The following ARHGAP26 variants were observed in gnomAD, a reference collection of about 807,000 sequenced individuals.
ARHGAP26 encodes rho GTPase-activating protein 26.
ARHGAP26 carries 38 observed loss-of-function variants against 104.8 expected under a neutral mutation model. The observed-to-expected ratio is 0.36, with a 90% CI of 0.28 to 0.48. ARHGAP26 has a LOEUF of 0.48. Among genes scored for constraint, ARHGAP26 ranks in the 20% least tolerant of loss-of-function variants. ARHGAP26 has a pLI of 0.99. For missense variants in ARHGAP26, 704 were observed against 947.9 expected, an observed-to-expected ratio of 0.74 and a Z score of 3.38; for synonymous variants, 341 against 340.0, an observed-to-expected ratio of 1.00 and a Z score of -0.03.
Position 143,057,529 on chromosome 5 carries a change from T to C in ARHGAP26, c.1433-113T>C, listed in dbSNP as rs1786000752. 4.9e-6 allele frequency: 4 copies of C among 823,182 alleles called. No homozygotes were observed. In the East Asian group the frequency reaches 9.8e-5, roughly 20 times the overall value. 51.0% of individuals were successfully genotyped at this position (823,182 alleles called of 1,614,324 possible). A position where few individuals can be genotyped will look rare whatever the true frequency, so the allele number is the denominator to read the frequency against. ...GCACACAAGACAGGATTGTAAATCT[T>C]TGAGAAATCCTTGGGCTGTTAGTGC... On this transcript the variant is annotated intron_variant, in intron 16 of 22. Transcript: ENST00000645722.
At chr5:143,168,448 T>TTTTTTTTTTTA (rs2151110748) in intron 20 of ARHGAP26, 1 of 108,534 alleles carries the variant, frequency 9.2e-6, no homozygotes, top group South Asian at 2.9e-4. Flanking sequence ...TGGAACTCTT[T>TTTTTTTTTTTA]TTTTTTTTTT....
intron 11 of ARHGAP26, among the ~76,000 whole-genome samples, chr5:142,960,311 C>A (rs1457936660): frequency 1.3e-5 from 2 of 152,260 alleles, no homozygotes; most frequent in African/African-American, 2.4e-5. Context: ...AATCTATAAG[C>A]AGTTCTCTCT....
At chr5:143,058,605 A>G (rs1271109129) in intron 17 of ARHGAP26, among the ~76,000 whole-genome samples, 1 of 152,234 alleles carries the variant, frequency 6.6e-6, no homozygotes, top group East Asian at 1.9e-4. Flanking sequence ...ATTAAACCCT[A>G]CATTCTATTG....
chr5:142,931,613 T>C lies in ARHGAP26; in HGVS notation c.1029-434T>C, dbSNP rs1490850049. On this transcript the variant is annotated intron_variant, in intron 10 of 22. Coordinates refer to ENST00000645722, the MANE Select transcript of ARHGAP26 (RefSeq NM_001135608.3). ...CTAGATATTAGGAGACAAGCATGCC[T>C]CCAGGTTGGATATTTTCTCCTCTTT... Among the ~76,000 whole-genome samples, 5 of 150,730 alleles carry C rather than the reference T, an allele frequency of 3.3e-5. No individual in the cohort carries two copies. The East Asian group carries it at 7.9e-4, about 24-fold the overall frequency.
chr5:143,200,556 A>G (rs1187246205), intron 20 of ARHGAP26, among the ~76,000 whole-genome samples: 2 of 152,034 alleles, frequency 1.3e-5, no homozygotes, highest in African/African-American at 2.4e-5. Context: ...TTATTAAGGG[A>G]AAAAAAGGAG....
chr5:143,183,439 T>G (rs1423674533), intron 20 of ARHGAP26, among the ~76,000 whole-genome samples: 2 of 152,196 alleles, frequency 1.3e-5, no homozygotes, highest in Non-Finnish European at 2.9e-5. Context: ...TAACTCTTAG[T>G]ACTATTAGCT....
At chr5:143,035,976 A>G (rs1385005777) in intron 12 of ARHGAP26, among the ~76,000 whole-genome samples, 1 of 151,660 alleles carries the variant, frequency 6.6e-6, no homozygotes, top group Non-Finnish European at 1.5e-5. Context: ...TTACCCATGT[A>G]ACCAAACACC....
At chr5:143,143,969 A>G (rs905873429) in intron 19 of ARHGAP26, among the ~76,000 whole-genome samples, 4 of 152,216 alleles carry the variant, frequency 2.6e-5, no homozygotes, top group African/African-American at 9.7e-5. Flanking sequence ...TGATACAAAG[A>G]CAGATTCCTG....
At chr5:142,826,873 T>C (rs960505481) in intron 1 of ARHGAP26, among the ~76,000 whole-genome samples, 6 of 152,238 alleles carry the variant, frequency 3.9e-5, no homozygotes, top group Admixed American at 6.5e-5. Context: ...ATTTCCCTGC[T>C]TTTAAAAACA....
At chr5:143,217,264 C>T (rs190067030) in intron 22 of ARHGAP26, among the ~76,000 whole-genome samples, 1 of 152,282 alleles carries the variant, frequency 6.6e-6, no homozygotes, top group African/African-American at 2.4e-5. Context: ...GGGGCCCCTA[C>T]TGTGACTCTG....
chr5:142,983,797 A>T (rs1341554578), intron 11 of ARHGAP26, among the ~76,000 whole-genome samples: 1 of 152,210 alleles, frequency 6.6e-6, no homozygotes, highest in Admixed American at 6.5e-5. Flanking sequence ...TTATGTGTTT[A>T]TATATATCTA....
intron 1 of ARHGAP26, among the ~76,000 whole-genome samples, chr5:142,847,061 G>A (rs1035165286): frequency 3.9e-5 from 6 of 152,098 alleles, no homozygotes; most frequent in Non-Finnish European, 7.4e-5. Context: ...TCTCAGCTCT[G>A]TTGCTTGCTC....
chr5:142,926,896 A>G (rs1763988381), intron 10 of ARHGAP26, among the ~76,000 whole-genome samples: 1 of 152,174 alleles, frequency 6.6e-6, no homozygotes, highest in Admixed American at 6.5e-5. Flanking sequence ...TGGAGCATTC[A>G]TCGTGTGCCT....
At chr5:142,899,371 A>G (rs1482024852) in intron 6 of ARHGAP26, among the ~76,000 whole-genome samples, 1 of 152,196 alleles carries the variant, frequency 6.6e-6, no homozygotes, top group Non-Finnish European at 1.5e-5. Context: ...TTTGCTTTTT[A>G]AAATGAAAAA....
chr5:143,017,161 G>T (rs1779705714), intron 12 of ARHGAP26, among the ~76,000 whole-genome samples: 1 of 152,312 alleles, frequency 6.6e-6, no homozygotes. Flanking sequence ...AAATGTTTTG[G>T]TGGGAATTTC....
intron 4 of ARHGAP26, among the ~76,000 whole-genome samples, chr5:142,882,329 A>G (rs1179448836): frequency 6.6e-6 from 1 of 152,236 alleles, no homozygotes; most frequent in Admixed American, 6.5e-5. Context: ...TGTCTGTCGT[A>G]TAGCTACCTG....
intron 6 of ARHGAP26, among the ~76,000 whole-genome samples, chr5:142,899,144 G>A (rs968886929): frequency 3.3e-5 from 5 of 152,124 alleles, no homozygotes; most frequent in South Asian, 2.1e-4. Flanking sequence ...ACCAGCTATG[G>A]CATCTTTGTA....
chr5:142,989,009 G>A lies in ARHGAP26; in HGVS notation c.1108-25071G>A, dbSNP rs555137091. On this transcript the variant is annotated intron_variant, in intron 11 of 22. Coordinates refer to ENST00000645722, the MANE Select transcript of ARHGAP26 (RefSeq NM_001135608.3). The stretch of plus-strand genomic sequence containing the variant: ...AATTCTGTAAATGTCTTTTAGGTCT[G>A]CTTGGTGCAGAGCTGAGTTCAATTC... Among the ~76,000 whole-genome samples the A allele has an allele frequency of 2.0e-5, 3 of 152,292 alleles. No homozygotes were observed. The South Asian group carries it at 6.2e-4, about 32-fold the overall frequency.
At chr5:142,772,382 G>A (rs578187137) in intron 1 of ARHGAP26, among the ~76,000 whole-genome samples, 3 of 152,326 alleles carry the variant, frequency 2.0e-5, no homozygotes, top group Admixed American at 2.0e-4. Flanking sequence ...GGGGTCCCTG[G>A]TTTGGAGTAA....
Sources: allele counts gnomAD v4.1 joint callset (sites outside exome capture counted in the v4.1 genomes callset), GRCh38; gene constraint gnomAD v4.1.1; transcripts MANE v1.5; gene names NCBI Gene and HGNC (gene_info 2026-07-23, HGNC 2026-07-21).